The following CCSER1 variants were observed in gnomAD, a reference collection of about 807,000 sequenced individuals.
CCSER1 encodes coiled-coil serine rich protein 1, also known as serine-rich coiled-coil domain-containing protein 1.
CCSER1 carries 41 observed loss-of-function variants against 82.0 expected under a neutral mutation model. The observed-to-expected ratio is 0.50, with a 90% CI of 0.39 to 0.65. The LOEUF is 0.65. Among genes scored for constraint, CCSER1 ranks in the 30% least tolerant of loss-of-function variants. The pLI is 0.00. For synonymous variants in CCSER1, 414 were observed against 383.9 expected (o/e 1.08, Z -0.92); for missense variants, 1,119 against 1,064.2 (o/e 1.05, Z -0.72).
chr4:90,671,358 T>A (rs1461288932), intron 6 of CCSER1, among the ~76,000 whole-genome samples: 3 of 152,102 alleles, frequency 2.0e-5, no homozygotes, highest in African/African-American at 4.8e-5. Flanking sequence ...GCTGCTGCTT[T>A]ATCAACTAAG....
At chr4:91,203,317 A>T (rs1362088153) in intron 10 of CCSER1, among the ~76,000 whole-genome samples, 1 of 151,982 alleles carries the variant, frequency 6.6e-6, no homozygotes, top group South Asian at 2.1e-4. Context: ...TTTTTCAAAG[A>T]GTTTTAAAAA....
intron 1 of CCSER1, among the ~76,000 whole-genome samples, chr4:90,282,568 A>C (rs967178740): frequency 1.3e-5 from 2 of 151,850 alleles, no homozygotes; most frequent in Non-Finnish European, 2.9e-5. Context: ...AATAAATGTA[A>C]GTATAAATAT....
chr4:91,283,247 C>A (rs1359940610), intron 10 of CCSER1, among the ~76,000 whole-genome samples: 1 of 152,014 alleles, frequency 6.6e-6, no homozygotes, highest in Non-Finnish European at 1.5e-5. Context: ...AACTTTTATG[C>A]CCTTCATACA....
At chr4:90,448,236 A>T (rs1760932556) in intron 4 of CCSER1, among the ~76,000 whole-genome samples, 2 of 151,684 alleles carry the variant, frequency 1.3e-5, no homozygotes, top group African/African-American at 4.8e-5. Context: ...GTTTTCTTAG[A>T]ATGGATAACA....
At chr4:90,455,727 C>T (rs911190699) in intron 4 of CCSER1, among the ~76,000 whole-genome samples, 2 of 152,186 alleles carry the variant, frequency 1.3e-5, no homozygotes, top group Non-Finnish European at 2.9e-5. Flanking sequence ...TCACACCCAC[C>T]TATATGGTGC....
intron 1 of CCSER1, among the ~76,000 whole-genome samples, chr4:90,219,041 G>A (rs534510300): frequency 6.6e-6 from 1 of 152,242 alleles, no homozygotes; most frequent in East Asian, 1.9e-4. Context: ...TTTATGCAAA[G>A]GAGTGAAGTT....
intron 8 of CCSER1, among the ~76,000 whole-genome samples, chr4:90,861,888 C>T (rs1765126839): frequency 1.4e-5 from 2 of 145,324 alleles, no homozygotes; most frequent in South Asian, 4.3e-4. Flanking sequence ...AACCATGGAT[C>T]TCCTGATATG....
Position 90,923,440 on chromosome 4 carries a change from G to A in CCSER1, c.2165G>A (p.Cys722Tyr). Residue 722 changes from cysteine to tyrosine, a missense_variant, in exon 9 of 11, where the codon TGC becomes TAC. Transcript: ENST00000509176. ...VDKSTQTELLCYDGLNLKRLE... is the reference protein window; with the variant it reads ...VDKSTQTELLYYDGLNLKRLE... Reference sequence around the variant, plus strand: ...AAATCCACACAGACTGAACTACTATGCTATGATGTAAGTAGCTCTGTAAAA... The same window carrying A: ...AAATCCACACAGACTGAACTACTATACTATGATGTAAGTAGCTCTGTAAAA... The A allele has an allele frequency of 1.9e-6, 3 of 1,549,440 alleles. No individual in the cohort carries two copies. Among genetic ancestry groups the A allele is most frequent in the East Asian group, 2.4e-5 (1 of 40,894 alleles).
intron 10 of CCSER1, among the ~76,000 whole-genome samples, chr4:91,128,147 C>G (rs6532278): frequency 0.51 from 77,772 of 151,788 alleles, 20,159 homozygotes; most frequent in East Asian, 0.68. Context: ...TTGTTACTTT[C>G]CACTTAAATC....
intron 9 of CCSER1, among the ~76,000 whole-genome samples, chr4:91,078,545 C>T (rs749589564): frequency 6.6e-6 from 1 of 152,208 alleles, no homozygotes; most frequent in Non-Finnish European, 1.5e-5. Flanking sequence ...CGCAGCTCCT[C>T]GCCAGCAATG....
intron 9 of CCSER1, among the ~76,000 whole-genome samples, chr4:90,971,388 A>T (rs1353465949): frequency 6.6e-6 from 1 of 151,958 alleles, no homozygotes; most frequent in Admixed American, 6.6e-5. Context: ...AAGAATAGCA[A>T]GGGAGAAATC....
chr4:90,619,516 C>T (rs1004692511), intron 5 of CCSER1, among the ~76,000 whole-genome samples: 29 of 152,030 alleles, frequency 1.9e-4, no homozygotes, highest in African/African-American at 5.1e-4. Flanking sequence ...TTGTAAGTTA[C>T]GAACAACTTC....
intron 10 of CCSER1, among the ~76,000 whole-genome samples, chr4:91,219,496 T>G (rs553003722): frequency 2.2e-4 from 33 of 151,962 alleles, no homozygotes; most frequent in Middle Eastern, 3.4e-3. Flanking sequence ...AGAGATGGGG[T>G]TTCACCATGT....
At chr4:90,346,381 AATTTAT>A (rs1742350057) in intron 3 of CCSER1, among the ~76,000 whole-genome samples, 1 of 151,770 alleles carries the variant, frequency 6.6e-6, no homozygotes, top group African/African-American at 2.4e-5. Context: ...AAATTATGGT[AATTTAT>A]ATTTATTTTG....
chr4:90,926,490 G>T (rs922847622), intron 9 of CCSER1, among the ~76,000 whole-genome samples: 3 of 152,060 alleles, frequency 2.0e-5, no homozygotes, highest in East Asian at 1.9e-4. Context: ...ATAAGAAATA[G>T]AATTCCCAGA....
intron 10 of CCSER1, among the ~76,000 whole-genome samples, chr4:91,376,052 G>C (rs866040624): frequency 7.9e-5 from 12 of 152,178 alleles, no homozygotes; most frequent in Middle Eastern, 6.8e-3. Context: ...ACTTAACTAT[G>C]TGGAAAACAT....
chr4:90,540,906 T>C (rs967138530), intron 5 of CCSER1, among the ~76,000 whole-genome samples: 1 of 152,144 alleles, frequency 6.6e-6, no homozygotes, highest in African/African-American at 2.4e-5. Context: ...TAAAATTGTT[T>C]TATGATTAAA....
At chr4:90,584,934 A>G (rs2148658266) in intron 5 of CCSER1, among the ~76,000 whole-genome samples, 1 of 152,320 alleles carries the variant, frequency 6.6e-6, no homozygotes, top group South Asian at 2.1e-4. Flanking sequence ...TAAGAAAACT[A>G]AAATGAAAGC....
chr4:90,640,552 TTATGA>T (rs559514996), intron 6 of CCSER1, among the ~76,000 whole-genome samples: 1 of 152,112 alleles, frequency 6.6e-6, no homozygotes, highest in African/African-American at 2.4e-5. Flanking sequence ...CAGGATACAG[TTATGA>T]TATGATTAGG....
Sources: allele counts gnomAD v4.1 joint callset (sites outside exome capture counted in the v4.1 genomes callset), GRCh38; gene constraint gnomAD v4.1.1; transcripts MANE v1.5; gene names NCBI Gene and HGNC (gene_info 2026-07-23, HGNC 2026-07-21).